DMD: variants seen among roughly 807,000 people sequenced by gnomAD.
DMD encodes the protein mutant dystrophin.
In DMD, 63 loss-of-function variants were observed where a neutral mutation model predicts 330.1. The ratio of observed to expected loss-of-function variants is 0.19; its 90% CI spans 0.16 to 0.24. The LOEUF (loss-of-function observed/expected upper bound fraction) is 0.24, where lower values mean the gene tolerates loss of function less well. Among genes scored for constraint, DMD ranks in the 10% least tolerant of loss-of-function variants. The pLI, the probability that DMD is intolerant of heterozygous loss-of-function variation, is 1.00. For missense variants in DMD, 3,344 were observed against 2,684.1 expected (o/e 1.25, Z -5.43); for synonymous variants, 1,223 against 959.8 (o/e 1.27, Z -5.07).
At chrX:32,207,004 G>C (rs1456518553) in intron 44 of DMD, among the ~76,000 whole-genome samples, 1 of 111,546 alleles carries the variant, frequency 9.0e-6, no homozygotes, top group African/African-American at 3.3e-5. Context: ...CATGGAAATG[G>C]TGGGTAGACA....
intron 19 of DMD, among the ~76,000 whole-genome samples, chrX:32,496,854 C>T (rs753121583): frequency 6.2e-5 from 7 of 112,468 alleles, no homozygotes; most frequent in Non-Finnish European, 1.1e-4. Flanking sequence ...ATAAATCAAA[C>T]TGCCCAGTAC....
At chrX:31,772,608 T>C (rs1211733338) in intron 51 of DMD, among the ~76,000 whole-genome samples, 2 of 111,252 alleles carry the variant, frequency 1.8e-5, no homozygotes, top group Non-Finnish European at 3.8e-5. Context: ...CAATAGTATG[T>C]ATTGCTTGCA....
In DMD at chrX:32,189,878, T is replaced by C. The variant is rs146137698; in HGVS notation, c.6438+27038A>G. Among the ~76,000 whole-genome samples the C allele has an allele frequency of 5.5e-3, 610 of 111,191 alleles. 7 individuals are homozygous for C. Among genetic ancestry groups the C allele is most frequent in the African/African-American group, 0.019 (588 of 30,603 alleles). ...TAGCACTTATCATACTGTATTGTTTTGTTACATTTTTTTTATTATACTTTA... is the reference window on the plus strand; with the variant it reads ...TAGCACTTATCATACTGTATTGTTTCGTTACATTTTTTTTATTATACTTTA... On this transcript the variant is annotated intron_variant, in intron 44 of 78. Coordinates refer to ENST00000357033, the MANE Select transcript of DMD (RefSeq NM_004006.3).
chrX:33,289,879 T>C (rs1000519873), intron 1 of DMD, among the ~76,000 whole-genome samples: 2 of 112,007 alleles, frequency 1.8e-5, no homozygotes, highest in Non-Finnish European at 3.8e-5. Flanking sequence ...AGTCAGCCAT[T>C]TTCTGCAGAA....
intron 44 of DMD, among the ~76,000 whole-genome samples, chrX:32,116,189 G>C (rs2096609991): frequency 9.0e-6 from 1 of 111,182 alleles, no homozygotes; most frequent in Non-Finnish European, 1.9e-5. Context: ...CCTTGCCCTT[G>C]TTTCCTCTGC....
chrX:31,373,472 A>T (rs2059711870), intron 60 of DMD, among the ~76,000 whole-genome samples: 2 of 102,238 alleles, frequency 2.0e-5, no homozygotes, highest in Non-Finnish European at 4.1e-5. Context: ...CAAAACAGAG[A>T]CATAGATCAA....
chrX:33,304,641 G>C lies in DMD; in HGVS notation c.7+34618C>G, dbSNP rs1209900789. On this transcript the variant is annotated intron_variant, in intron 1 of 17. Transcript: ENST00000288447. ...AGAGTGAACAGGCAACCTACAAAAT[G>C]GGAGAAAATTTTCGCAACCTACTCA... 4.4e-4 allele frequency among the ~76,000 whole-genome samples: 46 copies of C among 105,507 alleles called. No homozygotes were observed. The South Asian group carries it at 4.9e-3, about 11-fold the overall frequency. The allele number at this position is 105,507 out of a possible 115,157, so 91.6% of individuals were successfully genotyped here.
chrX:32,401,038 G>C (rs902276328), intron 30 of DMD, among the ~76,000 whole-genome samples: 2 of 110,193 alleles, frequency 1.8e-5, no homozygotes, highest in African/African-American at 6.6e-5. Context: ...GTAGGGACAT[G>C]GATGAAGCTG....
rs561485348 is a variant in DMD, at chrX:33,112,658, T to C, written c.32-92458A>G. 1.2e-4 allele frequency among the ~76,000 whole-genome samples: 13 copies of C among 111,783 alleles called. No homozygotes were observed. In the South Asian group the frequency reaches 4.8e-3, roughly 42 times the overall value. ...GGATCCTTACAGTGTATCTTGATCA[T>C]AGTCCTCCTGAGTTATAATTATCTA... On this transcript the variant is annotated intron_variant, in intron 1 of 78. Transcript: ENST00000357033.
chrX:33,332,838 G>A (rs1049584157), intron 1 of DMD, among the ~76,000 whole-genome samples: 14 of 110,900 alleles, frequency 1.3e-4, no homozygotes, highest in African/African-American at 4.6e-4. Flanking sequence ...ATCCTCTTAC[G>A]AAATACCCAA....
At position 31,819,907 on chromosome X, in the gene DMD, C is replaced by T. The variant is rs183429765; in HGVS notation, c.7309+68G>A. On this transcript the variant is annotated intron_variant, in intron 50 of 78. Transcript: ENST00000357033. ...AAACAAATTTTCTCTCTCACCCAGT[C>T]ATCACTTCATAGTTGCACTTTTGAA... is the stretch of plus-strand genomic sequence containing the variant. 5.9e-4 allele frequency: 516 copies of T among 874,493 alleles called. 1 individual carries two copies. The highest frequency in any genetic ancestry group is 8.2e-4 in the Non-Finnish European group (483 of 589,669). 72.1% of individuals were successfully genotyped at this position (874,493 alleles called of 1,213,427 possible). A position where few individuals can be genotyped will look rare whatever the true frequency, so the allele number is the denominator to read the frequency against.
intron 44 of DMD, among the ~76,000 whole-genome samples, chrX:32,035,228 A>G (rs1029826018): frequency 1.5e-4 from 17 of 111,701 alleles, no homozygotes; most frequent in African/African-American, 4.9e-4. Context: ...ATTTTACTCA[A>G]CTGATCCTGA....
intron 26 of DMD, among the ~76,000 whole-genome samples, chrX:32,454,045 T>C (rs189387160): frequency 9.0e-6 from 1 of 110,690 alleles, no homozygotes; most frequent in East Asian, 2.9e-4. Context: ...GACTATTATA[T>C]TGTTGCCCAA....
chrX:31,345,231 T>C (rs2058024939), intron 61 of DMD, among the ~76,000 whole-genome samples: 1 of 111,763 alleles, frequency 8.9e-6, no homozygotes, highest in Non-Finnish European at 1.9e-5. Flanking sequence ...TCTTTATGAA[T>C]ACCTGTGTCT....
At chrX:32,203,391 T>A (rs1261697795) in intron 44 of DMD, among the ~76,000 whole-genome samples, 1 of 112,293 alleles carries the variant, frequency 8.9e-6, no homozygotes, top group Non-Finnish European at 1.9e-5. Flanking sequence ...TTTTCCTCAA[T>A]GTTGAAACTT....
chrX:32,609,858 C>T (rs1217456486), intron 12 of DMD, among the ~76,000 whole-genome samples: 5 of 111,248 alleles, frequency 4.5e-5, no homozygotes, highest in Admixed American at 2.9e-4. Flanking sequence ...CAAGGTTATG[C>T]ATCTATGCAC....
At chrX:32,295,999 G>C (rs1018469247) in intron 42 of DMD, among the ~76,000 whole-genome samples, 7 of 112,337 alleles carry the variant, frequency 6.2e-5, no homozygotes, top group African/African-American at 2.3e-4. Context: ...TTTGATGAAA[G>C]TAAACTTAAA....
chrX:31,244,613 AG>A (rs2048657880), intron 63 of DMD, among the ~76,000 whole-genome samples: 2 of 112,115 alleles, frequency 1.8e-5, no homozygotes, highest in South Asian at 7.4e-4. Context: ...AACTGCAACT[AG>A]CGAAAAATAA....
At chrX:32,391,603 A>T (rs771549864) in intron 30 of DMD, among the ~76,000 whole-genome samples, 1 of 112,413 alleles carries the variant, frequency 8.9e-6, no homozygotes, top group South Asian at 3.6e-4. Flanking sequence ...ATCTTATTTT[A>T]TTACCATATC....
Sources: gnomAD v4.1 joint callset for allele counts (sites outside exome capture counted in the v4.1 genomes callset) on GRCh38, gnomAD v4.1.1 for gene constraint, MANE v1.5 for transcripts, NCBI Gene and HGNC (gene_info 2026-07-23, HGNC 2026-07-21) for gene names.